The following SAMD4A variants were observed in gnomAD, a reference collection of about 807,000 sequenced individuals.
SAMD4A encodes the protein sterile alpha motif domain containing 4A.
Under a neutral mutation model 81.3 loss-of-function variants are expected in SAMD4A, and 33 were observed. That is an observed-to-expected ratio of 0.41 (90% CI 0.31 to 0.54). The LOEUF is 0.54. SAMD4A is among the 20% of genes least tolerant of loss of function. SAMD4A has a pLI of 0.37. For synonymous variants in SAMD4A, 389 were observed against 382.1 expected (o/e 1.02, Z -0.21); for missense variants, 854 against 951.1 (o/e 0.90, Z 1.34).
intron 3 of SAMD4A, among the ~76,000 whole-genome samples, chr14:54,732,057 G>A (rs1418438020): frequency 6.6e-6 from 1 of 152,136 alleles, no homozygotes; most frequent in Non-Finnish European, 1.5e-5. Context: ...TACCCAGACT[G>A]CCCATTGAAG....
chr14:54,759,418 A>G (rs749574752), intron 6 of SAMD4A, among the ~76,000 whole-genome samples: 1 of 152,072 alleles, frequency 6.6e-6, no homozygotes, highest in Admixed American at 6.5e-5. Flanking sequence ...GTTTCTCCCC[A>G]GGATCCTCAT....
intron 4 of SAMD4A, among the ~76,000 whole-genome samples, chr14:54,740,114 G>A (rs1039646835): frequency 1.3e-5 from 2 of 152,210 alleles, no homozygotes; most frequent in African/African-American, 4.8e-5. Flanking sequence ...AGGTTGCAGT[G>A]AGCCAAGATC....
At chr14:54,607,892 T>C (rs1051897487) in intron 2 of SAMD4A, among the ~76,000 whole-genome samples, 22 of 151,770 alleles carry the variant, frequency 1.4e-4, no homozygotes, top group African/African-American at 4.6e-4. Flanking sequence ...GGTGCAAACC[T>C]CTAATCCCCG....
intron 2 of SAMD4A, among the ~76,000 whole-genome samples, chr14:54,665,453 G>A (rs981009399): frequency 2.6e-5 from 4 of 152,202 alleles, no homozygotes; most frequent in Non-Finnish European, 1.5e-5. Flanking sequence ...GCATAAACTA[G>A]ATGCTTCTTT....
chr14:54,685,284 C>CT (rs1363096416), intron 2 of SAMD4A, among the ~76,000 whole-genome samples: 2 of 151,488 alleles, frequency 1.3e-5, no homozygotes, highest in African/African-American at 2.4e-5. Context: ...GCCCCCCCCC[C>CT]CAGCTCCTGG....
intron 2 of SAMD4A, among the ~76,000 whole-genome samples, chr14:54,591,545 TG>T (rs1299037939): frequency 4.6e-5 from 7 of 152,104 alleles, no homozygotes; most frequent in Non-Finnish European, 1.0e-4. Flanking sequence ...TTTTTTGTTT[TG>T]TTTTTTTTGA....
intron 2 of SAMD4A, among the ~76,000 whole-genome samples, chr14:54,628,752 T>C (rs1274446021): frequency 2.0e-5 from 3 of 152,206 alleles, no homozygotes; most frequent in African/African-American, 7.2e-5. Flanking sequence ...GGGAAGTTAA[T>C]GAACTGCCTC....
intron 2 of SAMD4A, chr14:54,694,756 C>T: frequency 1.0e-6 from 1 of 985,384 alleles, no homozygotes. Context: ...TGAATCCTAA[C>T]CCTAACTTGA....
chr14:54,613,852 T>C (rs1180153730), intron 2 of SAMD4A, among the ~76,000 whole-genome samples: 1 of 152,368 alleles, frequency 6.6e-6, no homozygotes, highest in Middle Eastern at 3.4e-3. Flanking sequence ...GTTTTCACAA[T>C]AACGCTAAGA....
At chr14:54,704,935 C>T (rs1283260600) in intron 3 of SAMD4A, among the ~76,000 whole-genome samples, 1 of 152,176 alleles carries the variant, frequency 6.6e-6, no homozygotes, top group East Asian at 1.9e-4. Flanking sequence ...CCCTGAGCAC[C>T]TGGGAGGCAG....
intron 2 of SAMD4A, among the ~76,000 whole-genome samples, chr14:54,626,047 TGTGTGTGTGTGTGC>T (rs1404929941): frequency 2.3e-5 from 3 of 130,168 alleles, no homozygotes; most frequent in Non-Finnish European, 4.9e-5. Flanking sequence ...TGTGTGTGTG[TGTGTGTGTGTGTGC>T]GCGCGCGCGC....
intron 3 of SAMD4A, among the ~76,000 whole-genome samples, chr14:54,735,446 G>A (rs866445707): frequency 4.6e-5 from 7 of 152,176 alleles, no homozygotes; most frequent in African/African-American, 1.4e-4. Context: ...TACCCAAATT[G>A]GAAATTTCTC....
chr14:54,653,489 G>A (rs1006412449), intron 2 of SAMD4A, among the ~76,000 whole-genome samples: 2 of 151,574 alleles, frequency 1.3e-5, no homozygotes, highest in African/African-American at 2.4e-5. Flanking sequence ...ACAGGTGTGC[G>A]CCCTGACGCC....
At chr14:54,589,817 C>T (rs1487236455) in intron 2 of SAMD4A, among the ~76,000 whole-genome samples, 1 of 152,124 alleles carries the variant, frequency 6.6e-6, no homozygotes, top group Admixed American at 6.5e-5. Context: ...TCCCTCTGAT[C>T]GACTGCCTCA....
At chr14:54,648,266 A>G (rs1224653765) in intron 2 of SAMD4A, among the ~76,000 whole-genome samples, 2 of 152,222 alleles carry the variant, frequency 1.3e-5, no homozygotes, top group East Asian at 3.9e-4. Flanking sequence ...TGACCAGGAC[A>G]GGCACAGGAC....
chr14:54,581,404 C>T (rs1259655059), intron 2 of SAMD4A, among the ~76,000 whole-genome samples: 1 of 152,238 alleles, frequency 6.6e-6, no homozygotes, highest in African/African-American at 2.4e-5. Flanking sequence ...CACCAGGCCC[C>T]TCTGGGCCTG....
intron 2 of SAMD4A, among the ~76,000 whole-genome samples, chr14:54,599,318 A>G (rs2033993956): frequency 1.3e-5 from 2 of 152,206 alleles, no homozygotes; most frequent in Non-Finnish European, 2.9e-5. Context: ...ATAACCCAAC[A>G]TAAAGGCAAC....
At chr14:54,694,018 T>G (rs2036517805) in intron 2 of SAMD4A, 1 of 152,482 alleles carries the variant, frequency 6.6e-6, no homozygotes, top group Non-Finnish European at 1.5e-5. Context: ...GTGAAGGTTC[T>G]GAGGCAGGCA....
At chr14:54,709,030 A>G (rs1455615778) in intron 3 of SAMD4A, among the ~76,000 whole-genome samples, 2 of 152,206 alleles carry the variant, frequency 1.3e-5, no homozygotes, top group African/African-American at 4.8e-5. Flanking sequence ...TAATCCCAGC[A>G]CTTTGGGAGA....
Sources: allele counts gnomAD v4.1 joint callset (sites outside exome capture counted in the v4.1 genomes callset), GRCh38; gene constraint gnomAD v4.1.1; transcripts MANE v1.5; gene names NCBI Gene and HGNC (gene_info 2026-07-23, HGNC 2026-07-21).